Variants in SPART observed in about 807,000 individuals in gnomAD.
The protein encoded by SPART is spartin.
A neutral mutation model predicts 58.7 loss-of-function variants in SPART; 35 were observed. That is an observed-to-expected ratio of 0.60 (90% confidence interval 0.46 to 0.79). SPART has a LOEUF of 0.79. Ranked by LOEUF, SPART falls within the 30% of genes least tolerant of loss-of-function variation. The pLI is 0.00. For missense variants in SPART, 730 were observed against 786.1 expected (o/e 0.93, Z 0.85); for synonymous variants, 284 against 280.7 (o/e 1.01, Z -0.12).
chr13:36,362,579 C>T (rs748433091), intron 1 of SPART, among the ~76,000 whole-genome samples: 2 of 152,098 alleles, frequency 1.3e-5, no homozygotes, highest in African/African-American at 4.8e-5. Context: ...CAGAATCCCT[C>T]GTTTCTTTCT....
At chr13:36,314,166 T>G in intron 6 of SPART, 61 bp downstream of exon 6, 1 of 1,489,878 alleles carries the variant, frequency 6.7e-7, no homozygotes, top group Non-Finnish European at 9.3e-7. Flanking sequence ...AGATTAACCC[T>G]GGATTAAGAC....
chr13:36,351,856 A>G (rs1363927472), intron 1 of SPART, among the ~76,000 whole-genome samples: 1 of 152,174 alleles, frequency 6.6e-6, no homozygotes, highest in African/African-American at 2.4e-5. Context: ...TCTATTATAT[A>G]ATATTGTCAG....
At chr13:36,361,182 A>G (rs1276410358) in intron 1 of SPART, among the ~76,000 whole-genome samples, 3 of 152,196 alleles carry the variant, frequency 2.0e-5, no homozygotes, top group Non-Finnish European at 4.4e-5. Context: ...TGAAAAATGC[A>G]TGCCATCTGT....
chr13:36,364,735 A>T (rs1312005273), intron 1 of SPART, among the ~76,000 whole-genome samples: 1 of 152,216 alleles, frequency 6.6e-6, no homozygotes, highest in African/African-American at 2.4e-5. Context: ...CTTTGAGATC[A>T]ATGCTATTCT....
chr13:36,329,650 T>G (rs1883280155), intron 3 of SPART, 133 bp from the exon 4 acceptor site: 2 of 933,580 alleles, frequency 2.1e-6, no homozygotes, highest in African/African-American at 3.3e-5. Context: ...TAACAACTAC[T>G]TTTGCTTTTT....
upstream of SPART, among the ~76,000 whole-genome samples, chr13:36,350,766 T>C (rs552735826): frequency 6.6e-6 from 1 of 152,214 alleles, no homozygotes; most frequent in Non-Finnish European, 1.5e-5. Context: ...CTTTTGGGGC[T>C]TTTACCCCTG....
At chr13:36,357,377 G>A (rs1885662932) in intron 1 of SPART, among the ~76,000 whole-genome samples, 1 of 152,180 alleles carries the variant, frequency 6.6e-6, no homozygotes, top group African/African-American at 2.4e-5. Flanking sequence ...ACAGAGGCGA[G>A]TTGTTGGAAA....
In SPART at chr13:36,302,558, A is replaced by G. The variant is rs1880089219; in HGVS notation, c.*1807T>C. 6.6e-6 allele frequency: 1 copy of G among 152,236 alleles called. No homozygotes were observed. Among genetic ancestry groups the G allele is most frequent in the African/African-American group, 2.4e-5 (1 of 41,470 alleles). 9.4% of individuals were successfully genotyped at this position (152,236 alleles called of 1,614,324 possible). A position where few individuals can be genotyped will look rare whatever the true frequency, so the allele number is the denominator to read the frequency against. The stretch of plus-strand genomic sequence containing the variant: ...GGAGGATATTTGCTGACCTCTGGTC[A>G]AAGCTAACTGTTTAAAGTTTATGTT... On this transcript the variant is annotated 3_prime_UTR_variant, in exon 9 of 9. Coordinates refer to ENST00000438666, the MANE Select transcript of SPART (RefSeq NM_015087.5).
At chr13:36,319,303 C>A (rs9575909) in intron 5 of SPART, among the ~76,000 whole-genome samples, 1 of 149,456 alleles carries the variant, frequency 6.7e-6, no homozygotes, top group African/African-American at 2.5e-5. Context: ...GCCTCCTTTG[C>A]GTCCCCCTCT....
At chr13:36,321,906 G>A (rs1882443577) in intron 5 of SPART, among the ~76,000 whole-genome samples, 1 of 152,054 alleles carries the variant, frequency 6.6e-6, no homozygotes, top group African/African-American at 2.4e-5. Flanking sequence ...GCCGGTCCTT[G>A]CCTTAAGTGA....
intron 5 of SPART, among the ~76,000 whole-genome samples, chr13:36,320,762 G>C (rs1404745607): frequency 1.3e-5 from 2 of 151,954 alleles, no homozygotes; most frequent in African/African-American, 4.8e-5. Context: ...TTTCCTACAG[G>C]GTCTGAGAAG....
chr13:36,331,403 A>G lies in SPART; in HGVS notation c.1004T>C (p.Leu335Pro), dbSNP rs1883442669. Residue 335 changes from leucine to proline, a missense_variant, in exon 3 of 9, where the codon CTC becomes CCC. Transcript: ENST00000438666. The stretch of plus-strand genomic sequence containing the variant: ...AAAGATGATCACACAAGTTACCTGG[A>G]GCCGAAGGTCAGACATTTGCCTTAA... ...DLLRQMSDLR[L>P]QANWNRAEEE... 1.2e-6 allele frequency: 2 copies of G among 1,614,000 alleles called. No homozygotes were observed. The highest frequency in any genetic ancestry group is 1.7e-5 in the Admixed American group (1 of 60,016).
chr13:36,342,393 T>C (rs1022426117), intron 1 of SPART, among the ~76,000 whole-genome samples: 1 of 152,170 alleles, frequency 6.6e-6, no homozygotes, highest in Admixed American at 6.5e-5. Context: ...GCAACAGAGA[T>C]CATACATGGC....
intron 4 of SPART, 89 bp downstream of exon 4, chr13:36,329,273 G>T: frequency 6.9e-7 from 1 of 1,457,728 alleles, no homozygotes; most frequent in African/African-American, 1.4e-5. Context: ...CTTTGCTTTA[G>T]TATATGGGAA....
chr13:36,330,139 A>G (rs1883324339), intron 3 of SPART, among the ~76,000 whole-genome samples: 1 of 152,218 alleles, frequency 6.6e-6, no homozygotes, highest in South Asian at 2.1e-4. Flanking sequence ...CCTAAAGCCC[A>G]GTAATACAGG....
rs200555178 is a variant in SPART, at chr13:36,312,257, C to T, written c.1643-22G>A. On this transcript the variant is annotated intron_variant, in intron 7 of 8. Transcript: ENST00000438666. ...AATCCTGTAAAAATAATATTTAAAA[C>T]GATGTAAATCTAGTCCAAAGCAAAC... 106 of 1,613,784 alleles carry T rather than the reference C, an allele frequency of 6.6e-5. No individual in the cohort carries two copies. In the Admixed American group the frequency reaches 9.2e-4, roughly 14 times the overall value.
At chr13:36,333,519 CAAATGAG>C (rs1448226769) in intron 2 of SPART, among the ~76,000 whole-genome samples, 2 of 150,250 alleles carry the variant, frequency 1.3e-5, no homozygotes, top group Non-Finnish European at 3.0e-5. Context: ...TGAATACAAG[CAAATGAG>C]AACCTCTTAA....
intron 2 of SPART, among the ~76,000 whole-genome samples, chr13:36,332,830 GTAGT>G (rs1245343514): frequency 6.6e-6 from 1 of 151,986 alleles, no homozygotes; most frequent in Non-Finnish European, 1.5e-5. Flanking sequence ...TAACATTTGA[GTAGT>G]TATTTATTTT....
chr13:36,336,790 C>A (rs1227287558), intron 1 of SPART, among the ~76,000 whole-genome samples: 1 of 152,068 alleles, frequency 6.6e-6, no homozygotes, highest in Non-Finnish European at 1.5e-5. Context: ...AACCCAAATG[C>A]TCACTCATTC....
Sources: allele counts gnomAD v4.1 joint callset (sites outside exome capture counted in the v4.1 genomes callset), GRCh38; gene constraint gnomAD v4.1.1; transcripts MANE v1.5; gene names NCBI Gene and HGNC (gene_info 2026-07-23, HGNC 2026-07-21).